Variants in PCDHAC2 observed in about 807,000 individuals in gnomAD.
The protein encoded by PCDHAC2 is protocadherin alpha-C2.
A neutral mutation model predicts 63.3 loss-of-function variants in PCDHAC2; 24 were observed. The observed-to-expected ratio is 0.38, with a 90% CI of 0.27 to 0.53. The LOEUF (loss-of-function observed/expected upper bound fraction) is 0.53, where lower values mean the gene tolerates loss of function less well. PCDHAC2 is among the 20% of genes least tolerant of loss of function. The probability of loss-of-function intolerance (pLI) is 0.81; values close to 1 mark genes in which losing one functional copy is unlikely to be tolerated. For synonymous variants in PCDHAC2, 569 were observed against 529.4 expected (o/e 1.07, Z -1.03); for missense variants, 1,181 against 1,275.2 (o/e 0.93, Z 1.12).
At chr5:140,997,129 C>T (rs983112049) in intron 3 of PCDHAC2, among the ~76,000 whole-genome samples, 1 of 152,094 alleles carries the variant, frequency 6.6e-6, no homozygotes, top group Non-Finnish European at 1.5e-5. Flanking sequence ...ATACACAATG[C>T]CCCCACACCC....
At chr5:140,969,584 G>C in intron 1 of PCDHAC2, 1 of 907,936 alleles carries the variant, frequency 1.1e-6, no homozygotes, top group Non-Finnish European at 1.6e-6. Context: ...GTGAGGATTA[G>C]TCTTAATATT....
chr5:141,009,372 T>C (rs1026606654), intron 3 of PCDHAC2, among the ~76,000 whole-genome samples: 3 of 152,152 alleles, frequency 2.0e-5, no homozygotes, highest in Non-Finnish European at 1.5e-5. Context: ...GATGGGAGGA[T>C]TGATTGAGCA....
At chr5:140,985,577 G>A (rs1265916995) in intron 3 of PCDHAC2, among the ~76,000 whole-genome samples, 1 of 152,116 alleles carries the variant, frequency 6.6e-6, no homozygotes, top group Non-Finnish European at 1.5e-5. Flanking sequence ...TGGTGCCTAA[G>A]CCTCCTTATA....
chr5:141,003,574 A>C (rs559561339), intron 3 of PCDHAC2, among the ~76,000 whole-genome samples: 9 of 151,680 alleles, frequency 5.9e-5, no homozygotes, highest in African/African-American at 2.2e-4. Context: ...CAGACTCCCA[A>C]AGTGCTGGGA....
At chr5:140,993,795 C>T (rs1301191394) in intron 3 of PCDHAC2, among the ~76,000 whole-genome samples, 2 of 152,128 alleles carry the variant, frequency 1.3e-5, no homozygotes, top group African/African-American at 2.4e-5. Flanking sequence ...ACATGCTGTG[C>T]AGGTTTGTAG....
At chr5:141,000,899 C>T (rs1013993633) in intron 3 of PCDHAC2, among the ~76,000 whole-genome samples, 18 of 151,966 alleles carry the variant, frequency 1.2e-4, no homozygotes, top group African/African-American at 2.7e-4. Flanking sequence ...CAGATATAGA[C>T]GCTGTCTCTA....
intron 3 of PCDHAC2, among the ~76,000 whole-genome samples, chr5:140,987,825 G>A (rs1181525478): frequency 1.3e-5 from 2 of 151,894 alleles, no homozygotes; most frequent in Admixed American, 1.3e-4. Flanking sequence ...GTTTCCTTAG[G>A]GGATTGCTTT....
At chr5:140,982,054 G>T (rs565307071) in intron 2 of PCDHAC2, among the ~76,000 whole-genome samples, 1 of 152,322 alleles carries the variant, frequency 6.6e-6, no homozygotes, top group East Asian at 1.9e-4. Context: ...AAATATTTTA[G>T]TGTGTTTTCT....
In PCDHAC2 at chr5:140,966,814, C is replaced by G. The variant is rs782787958; in HGVS notation, c.48C>G (p.Leu16=). 4.5e-6 allele frequency: 7 copies of G among 1,552,328 alleles called. No individual in the cohort carries two copies. The East Asian group carries it at 1.2e-4, about 27-fold the overall frequency. The change falls in exon 1 of 4, where the codon CTC becomes CTG. Residue 16 remains leucine (L), a synonymous_variant. Coordinates refer to ENST00000289269, the MANE Select transcript of PCDHAC2 (RefSeq NM_018899.6). The part of the protein sequence containing the change: ...TRPAATEHPR[L]RRPMPWLLLL... The stretch of plus-strand genomic sequence containing the variant: ...CTGCGGCGACAGAGCATCCACGGCT[C>G]CGGCGGCCCATGCCCTGGCTGCTGC...
chr5:140,989,728 A>T (rs1453115061), intron 3 of PCDHAC2, among the ~76,000 whole-genome samples: 6 of 152,184 alleles, frequency 3.9e-5, no homozygotes, highest in Admixed American at 3.9e-4. Flanking sequence ...TTGCAGTTGA[A>T]AAGGCCATTG....
rs1346540500 is a variant in PCDHAC2 at position 140,968,776 on chromosome 5, A to G, written c.2010A>G (p.Leu670=). The G allele has an allele frequency of 2.5e-6, 4 of 1,614,082 alleles. No individual in the cohort carries two copies. Among genetic ancestry groups the G allele is most frequent in the Admixed American group, 3.3e-5 (2 of 59,996 alleles). ...VVVRDNGEPS[L]SASVAITVAV... is the part of the protein sequence containing the mutation. ...TCCGAGATAATGGAGAGCCATCACT[A>G]TCAGCCTCTGTGGCCATTACAGTAG... Residue 670 remains leucine (L), a synonymous_variant, in exon 1 of 4, where the codon CTA becomes CTG. Coordinates refer to ENST00000289269, the MANE Select transcript of PCDHAC2 (RefSeq NM_018899.6).
chr5:140,969,542 C>T, intron 1 of PCDHAC2: 1 of 1,279,490 alleles, frequency 7.8e-7, no homozygotes, highest in South Asian at 1.6e-5. Flanking sequence ...TTTTCAGAGG[C>T]ATGAAGCCTT....
chr5:140,984,726 A>C (rs549219216), intron 3 of PCDHAC2, among the ~76,000 whole-genome samples: 51 of 152,276 alleles, frequency 3.3e-4, no homozygotes, highest in Non-Finnish European at 5.0e-4. Flanking sequence ...AAAGATTAAG[A>C]TTATGATTTA....
At chr5:140,970,135 G>C (rs1317802980) in intron 1 of PCDHAC2, among the ~76,000 whole-genome samples, 1 of 152,016 alleles carries the variant, frequency 6.6e-6, no homozygotes, top group Non-Finnish European at 1.5e-5. Context: ...GAAGAGAAGG[G>C]AAAAAGAATT....
At position 140,993,501 on chromosome 5, in the gene PCDHAC2, C is replaced by CACACAT. The variant is rs1554253793; in HGVS notation, c.2713+10943_2713+10944insTACACA. Reference sequence around the variant, plus strand: ...ACACACACACACACACACACACACACACACACACGGGGAGAGAGAGACAGA... The same window carrying CACACAT: ...ACACACACACACACACACACACACACACACATACACACACGGGGAGAGAGAGACAGA... On this transcript the variant is annotated intron_variant, in intron 3 of 3. Coordinates refer to ENST00000289269, the MANE Select transcript of PCDHAC2 (RefSeq NM_018899.6). Among the ~76,000 whole-genome samples the CACACAT allele has an allele frequency of 3.4e-5, 5 of 148,992 alleles. No homozygotes were observed. The East Asian group carries it at 7.8e-4, about 23-fold the overall frequency.
intron 1 of PCDHAC2, among the ~76,000 whole-genome samples, chr5:140,971,333 G>A (rs1015985935): frequency 6.6e-6 from 1 of 152,194 alleles, no homozygotes. Context: ...AATTATTTCA[G>A]AAAGTGCTTG....
chr5:140,988,558 T>C lies in PCDHAC2; in HGVS notation c.2713+5995T>C, dbSNP rs982984587. ...CCATTCATGACTTTCTTCATCTTCT[T>C]CTTGGGAAAACACTCTGTACCTTCC... On this transcript the variant is annotated intron_variant, in intron 3 of 3. Transcript: ENST00000289269. 3.9e-5 allele frequency among the ~76,000 whole-genome samples: 6 copies of C among 152,198 alleles called. 1 individual carries two copies. Among genetic ancestry groups the C allele is most frequent in the Admixed American group, 3.9e-4 (6 of 15,276 alleles).
intron 1 of PCDHAC2, 66 bp from the exon 2 acceptor site, chr5:140,978,883 T>C: frequency 6.2e-7 from 1 of 1,611,182 alleles, no homozygotes; most frequent in Non-Finnish European, 8.5e-7. Flanking sequence ...ACTAATCAAT[T>C]AGCAGCATTC....
In PCDHAC2 at chr5:140,966,641, A is replaced by T; in HGVS notation, c.-126A>T. The T allele has an allele frequency of 9.1e-7, 1 of 1,104,530 alleles. No individual in the cohort carries two copies. Among genetic ancestry groups the T allele is most frequent in the South Asian group, 2.2e-5 (1 of 45,846 alleles). 68.4% of individuals were successfully genotyped at this position (1,104,530 alleles called of 1,614,324 possible). ...GAGGGAGCGGCCCCAGGCGCTTTCT[A>T]GAGCGTGAGCGGTGGGGGAGCAGGC... On this transcript the variant is annotated 5_prime_UTR_variant, in exon 1 of 4. It removes the in-frame stop codon of an upstream open reading frame in the 5' UTR. Transcript: ENST00000289269.
Sources: allele counts gnomAD v4.1 joint callset (sites outside exome capture counted in the v4.1 genomes callset), GRCh38; gene constraint gnomAD v4.1.1; transcripts MANE v1.5; gene names NCBI Gene and HGNC (gene_info 2026-07-23, HGNC 2026-07-21).